Variants in OPRM1 observed in about 807,000 individuals in gnomAD.
The protein encoded by OPRM1 is mu-type opioid receptor.
Under a neutral mutation model 31.8 loss-of-function variants are expected in OPRM1, and 27 were observed. That is an observed-to-expected ratio of 0.85 (90% CI 0.63 to 1.17). The LOEUF (loss-of-function observed/expected upper bound fraction) is 1.17. Ranked by LOEUF, OPRM1 falls within the 50% of genes most tolerant of loss-of-function variation. The probability of loss-of-function intolerance (pLI) is 0.00; values close to 1 mark genes in which losing one functional copy is unlikely to be tolerated. For missense variants in OPRM1, 536 were observed against 511.1 expected (o/e 1.05, Z -0.47); for synonymous variants, 196 against 189.9 (o/e 1.03, Z -0.26).
At chr6:154,041,265 C>A (rs762559327) in intron 1 of OPRM1, among the ~76,000 whole-genome samples, 1 of 151,932 alleles carries the variant, frequency 6.6e-6, no homozygotes, top group Non-Finnish European at 1.5e-5. Flanking sequence ...GAAAAGAGCA[C>A]CATCTATTGA....
intron 3 of OPRM1, among the ~76,000 whole-genome samples, chr6:154,240,966 G>A (rs553244317): frequency 3.3e-5 from 5 of 152,140 alleles, no homozygotes; most frequent in Non-Finnish European, 5.9e-5. Flanking sequence ...GGCCAGGTGC[G>A]GTGGCTCATG....
At chr6:154,163,787 A>C (rs1162173369) in intron 3 of OPRM1, among the ~76,000 whole-genome samples, 1 of 152,238 alleles carries the variant, frequency 6.6e-6, no homozygotes, top group Admixed American at 6.5e-5. Context: ...TTTCCATTAA[A>C]CAAAAAAACT....
rs1170544718 is a variant in OPRM1, at chr6:154,119,469, A to G, written c.*748A>G. On this transcript the variant is annotated 3_prime_UTR_variant, in exon 4 of 4. Transcript: ENST00000330432. ...TCAGTGGTTTGTTCCTCAGTTTTAA[A>G]TGTGCAATTTTCTTGCTCCTATTTA... 3.0e-6 allele frequency: 3 copies of G among 984,626 alleles called. No individual in the cohort carries two copies. Among genetic ancestry groups the G allele is most frequent in the East Asian group, 1.1e-4 (1 of 8,808 alleles). The allele number at this position is 984,626 out of a possible 1,614,324, so 61.0% of individuals were successfully genotyped here.
At chr6:154,087,725 G>A in intron 1 of OPRM1, 1 of 328,696 alleles carries the variant, frequency 3.0e-6, no homozygotes, top group Non-Finnish European at 4.4e-6. Flanking sequence ...TGGTAATACA[G>A]CCTATCCCAA....
chr6:154,061,132 G>A (rs1418755310), intron 1 of OPRM1, among the ~76,000 whole-genome samples: 1 of 151,938 alleles, frequency 6.6e-6, no homozygotes, highest in Non-Finnish European at 1.5e-5. Flanking sequence ...AAAACTTTGG[G>A]GCCCACCCTA....
chr6:154,146,504 T>C (rs962487774), intron 3 of OPRM1, among the ~76,000 whole-genome samples: 11 of 152,254 alleles, frequency 7.2e-5, no homozygotes, highest in African/African-American at 2.7e-4. Context: ...CCAAAATTTA[T>C]AAGGTATATA....
chr6:154,226,733 G>T (rs1404899345), intron 3 of OPRM1, among the ~76,000 whole-genome samples: 9 of 152,096 alleles, frequency 5.9e-5, no homozygotes, highest in African/African-American at 1.9e-4. Context: ...TCATGGCACT[G>T]TTCTGATTAA....
At chr6:154,161,222 T>TC (rs1328071900) in intron 3 of OPRM1, among the ~76,000 whole-genome samples, 1 of 151,522 alleles carries the variant, frequency 6.6e-6, no homozygotes. Context: ...TTCATTTTTT[T>TC]TTTTTTTTGA....
intron 3 of OPRM1, among the ~76,000 whole-genome samples, chr6:154,238,349 A>G (rs191867016): frequency 0.02 from 3,060 of 152,130 alleles, 101 homozygotes; most frequent in African/African-American, 0.069. Context: ...TCTGCCTCCC[A>G]GGTTCAAGCG....
At chr6:154,232,466 A>T (rs1238096862) in intron 3 of OPRM1, among the ~76,000 whole-genome samples, 1 of 151,960 alleles carries the variant, frequency 6.6e-6, no homozygotes, top group Non-Finnish European at 1.5e-5. Context: ...GCCAAGTGCC[A>T]GACCTAGAAC....
intron 3 of OPRM1, among the ~76,000 whole-genome samples, chr6:154,153,246 T>C (rs757513254): frequency 2.0e-5 from 3 of 152,150 alleles, no homozygotes; most frequent in Admixed American, 1.3e-4. Context: ...AAAGGGAGAT[T>C]TGCAGTAAGC....
intron 3 of OPRM1, among the ~76,000 whole-genome samples, chr6:154,188,573 T>A (rs573538114): frequency 6.6e-6 from 1 of 152,222 alleles, no homozygotes; most frequent in South Asian, 2.1e-4. Context: ...TGGCCAAGAG[T>A]ATCCTAAACA....
At chr6:154,035,362 T>C (rs181000350), upstream of OPRM1, among the ~76,000 whole-genome samples, 1 of 152,284 alleles carries the variant, frequency 6.6e-6, no homozygotes, top group East Asian at 1.9e-4. Context: ...TCCATTTTAC[T>C]TGATATGTAT....
chr6:154,011,513 A>G (rs1165467578), intron 1 of OPRM1, among the ~76,000 whole-genome samples: 1 of 152,210 alleles, frequency 6.6e-6, no homozygotes, highest in African/African-American at 2.4e-5. Flanking sequence ...TTATCTTTGT[A>G]CACCTATATG....
intron 3 of OPRM1, among the ~76,000 whole-genome samples, chr6:154,173,061 C>G (rs183100006): frequency 6.6e-6 from 1 of 152,224 alleles, no homozygotes; most frequent in South Asian, 2.1e-4. Flanking sequence ...CTCCAACAGA[C>G]GTGCAGCTGA....
chr6:154,110,069 C>T (rs532238081), intron 3 of OPRM1, among the ~76,000 whole-genome samples: 1 of 152,146 alleles, frequency 6.6e-6, no homozygotes, highest in African/African-American at 2.4e-5. Context: ...AATCAGAATC[C>T]TAAAATTGAT....
rs188114863 is a variant in OPRM1, at chr6:154,216,795, G to A, written c.1165-29898G>A. On this transcript the variant is annotated intron_variant, in intron 3 of 3. Coordinates refer to the OPRM1 transcript ENST00000337049. ...AGGCAGGAGAATCGCTTGAACCCAG[G>A]AGGCAGAGGTTGCAGTGAGTTGAGA... is the stretch of plus-strand genomic sequence containing the variant. 5.1e-3 allele frequency: 782 copies of A among 152,482 alleles called. 4 individuals carry two copies. Among genetic ancestry groups the A allele is most frequent in the Middle Eastern group, 0.037 (11 of 300 alleles). 9.4% of individuals were successfully genotyped at this position (152,482 alleles called of 1,614,324 possible). A position where few individuals can be genotyped will look rare whatever the true frequency, so the allele number is the denominator to read the frequency against.
chr6:154,185,826 A>T (rs1801292707), intron 3 of OPRM1, among the ~76,000 whole-genome samples: 1 of 152,256 alleles, frequency 6.6e-6, no homozygotes, highest in Non-Finnish European at 1.5e-5. Context: ...AAGTTGATGA[A>T]TTTGTGTTGG....
intron 3 of OPRM1, among the ~76,000 whole-genome samples, chr6:154,106,409 G>A (rs1795582203): frequency 6.6e-6 from 1 of 152,234 alleles, no homozygotes; most frequent in Admixed American, 6.5e-5. Flanking sequence ...TGGCTCTCCA[G>A]CACAGCTGAG....
Sources: allele counts gnomAD v4.1 joint callset (sites outside exome capture counted in the v4.1 genomes callset), GRCh38; gene constraint gnomAD v4.1.1; transcripts MANE v1.5; gene names NCBI Gene and HGNC (gene_info 2026-07-23, HGNC 2026-07-21).